The following UPF2 variants were observed in gnomAD, a reference collection of about 807,000 sequenced individuals.
UPF2 encodes regulator of nonsense transcripts 2.
UPF2 carries 17 observed loss-of-function variants against 141.4 expected under a neutral mutation model. The ratio of observed to expected loss-of-function variants is 0.12; its 90% confidence interval spans 0.08 to 0.18. UPF2 has a LOEUF of 0.18. Ranked by LOEUF, UPF2 falls within the 10% of genes least tolerant of loss-of-function variation. The probability of loss-of-function intolerance (pLI) is 1.00; values close to 1 mark genes in which losing one functional copy is unlikely to be tolerated. For missense variants in UPF2, 1,152 were observed against 1,515.9 expected (o/e 0.76, Z 3.99); for synonymous variants, 540 against 498.0 (o/e 1.08, Z -1.12).
chr10:11,952,593 G>A (rs1445086985), intron 14 of UPF2, among the ~76,000 whole-genome samples: 1 of 146,956 alleles, frequency 6.8e-6, no homozygotes, highest in African/African-American at 2.5e-5. Flanking sequence ...TCCTGCCTCA[G>A]CCTCCCGAGC....
intron 8 of UPF2, among the ~76,000 whole-genome samples, chr10:11,996,998 T>C (rs1035406714): frequency 6.6e-6 from 1 of 152,208 alleles, no homozygotes; most frequent in Non-Finnish European, 1.5e-5. Flanking sequence ...AACAAAATTA[T>C]TTAATTATTT....
chr10:11,942,694 G>C lies in UPF2; in HGVS notation c.3349C>G (p.Leu1117Val). 6.2e-7 allele frequency: 1 copy of C among 1,613,934 alleles called. No individual in the cohort carries two copies. Among genetic ancestry groups the C allele is most frequent in the Non-Finnish European group, 8.5e-7 (1 of 1,179,938 alleles). ...CVEDEDFIQA[L>V]DKMMLENLQQ... is the part of the protein sequence containing the mutation. ...AGATTTTCTAGCATCATTTTATCCA[G>C]AGCTTGAATGAAGTCCTCATCTTCT... is the stretch of plus-strand genomic sequence containing the variant. Residue 1117 changes from leucine to valine, a missense_variant, in exon 18 of 22, where the codon CTG becomes GTG. Physicochemically the swap from Leu to Val is conservative, Grantham distance 32. This residue lies in a region of UPF2 where 202 missense variants were observed against 223.6 expected (regional missense o/e 0.90). Transcript: ENST00000357604.
Position 11,920,097 on chromosome 10 carries a change from T to A in UPF2, c.*1201A>T, listed in dbSNP as rs187159496. 1 of 152,236 alleles carries A rather than the reference T, an allele frequency of 6.6e-6. No individual in the cohort carries two copies. The highest frequency in any genetic ancestry group is 1.5e-5 in the Non-Finnish European group (1 of 68,042). 9.4% of individuals were successfully genotyped at this position (152,236 alleles called of 1,614,324 possible). On this transcript the variant is annotated 3_prime_UTR_variant, in exon 22 of 22. Coordinates refer to ENST00000357604, the MANE Select transcript of UPF2 (RefSeq NM_015542.4). Reference sequence around the variant, plus strand: ...TGGTGAAGATTGGGCAGCATTTCCATGTGAAATGTTACAACTTTACAAGTT... The same window carrying A: ...TGGTGAAGATTGGGCAGCATTTCCAAGTGAAATGTTACAACTTTACAAGTT...
intron 8 of UPF2, among the ~76,000 whole-genome samples, chr10:11,984,191 G>T (rs1833647776): frequency 6.6e-6 from 1 of 152,182 alleles, no homozygotes; most frequent in African/African-American, 2.4e-5. Context: ...AAAGTGCTGG[G>T]ATTACAGGCG....
In UPF2 at chr10:11,959,493, C is replaced by T. The variant is rs116360812; in HGVS notation, c.2185-137G>A. On this transcript the variant is annotated intron_variant, in intron 11 of 21. Transcript: ENST00000357604. The surrounding 1 kb of genome is among the most constrained non-coding windows in gnomAD (Gnocchi z 5.9). Reference sequence around the variant, plus strand: ...GCAAAGAAAGGACTGGGCACTGTGGCTCACACCTATAATCCCAGCACTTTG... The same window carrying T: ...GCAAAGAAAGGACTGGGCACTGTGGTTCACACCTATAATCCCAGCACTTTG... The T allele has an allele frequency of 1.1e-3, 924 of 879,104 alleles. 7 individuals carry two copies. In the African/African-American group the frequency reaches 0.014, roughly 14 times the overall value. The allele number at this position is 879,104 out of a possible 1,614,324, so 54.5% of individuals were successfully genotyped here.
chr10:12,027,926 A>G (rs2131305466), intron 3 of UPF2, among the ~76,000 whole-genome samples: 1 of 152,332 alleles, frequency 6.6e-6, no homozygotes, highest in South Asian at 2.1e-4. Flanking sequence ...AGTTGTAGAA[A>G]TATTAAAATA....
At position 12,042,459 on chromosome 10, in the gene UPF2, C is replaced by T. The variant is rs1191991889; in HGVS notation, c.-19+296G>A. On this transcript the variant is annotated intron_variant, in intron 1 of 21. Coordinates refer to ENST00000357604, the MANE Select transcript of UPF2 (RefSeq NM_015542.4). The surrounding 1 kb of genome is among the most constrained non-coding windows in gnomAD (Gnocchi z 5.5). The stretch of plus-strand genomic sequence containing the variant: ...AACACTTTCGCCCCTCCACCGCGGG[C>T]TCCCCGCCTCCAGTCTCGAGGCCCG... Among the ~76,000 whole-genome samples the T allele has an allele frequency of 6.6e-6, 1 of 152,234 alleles. No homozygotes were observed. The highest frequency in any genetic ancestry group is 2.4e-5 in the African/African-American group (1 of 41,468).
chr10:11,924,940 T>A (rs928235978), intron 21 of UPF2, among the ~76,000 whole-genome samples: 1 of 152,160 alleles, frequency 6.6e-6, no homozygotes, highest in South Asian at 2.1e-4. Flanking sequence ...TGCCTCAGAC[T>A]CCCGAGTAGC....
chr10:11,943,911 G>A (rs1832967737), intron 16 of UPF2, among the ~76,000 whole-genome samples: 1 of 150,482 alleles, frequency 6.6e-6, no homozygotes, highest in African/African-American at 2.4e-5. Context: ...GATTTTCAAA[G>A]GGCACAAAGC....
chr10:11,996,161 G>C (rs943979315), intron 8 of UPF2, among the ~76,000 whole-genome samples: 29 of 152,016 alleles, frequency 1.9e-4, no homozygotes, highest in African/African-American at 6.8e-4. Flanking sequence ...CAGCAGACCC[G>C]TAACGAATTA....
chr10:11,962,378 G>A (rs1833254391), intron 11 of UPF2, among the ~76,000 whole-genome samples: 1 of 151,972 alleles, frequency 6.6e-6, no homozygotes, highest in Admixed American at 6.6e-5. Context: ...TCTGTGACTG[G>A]CACCATCATC....
In UPF2 at chr10:11,959,329, T is replaced by C. The variant is rs150540729; in HGVS notation, c.2212A>G (p.Met738Val). 2 of 1,580,882 alleles carry C rather than the reference T, an allele frequency of 1.3e-6. No individual in the cohort carries two copies. Among genetic ancestry groups the C allele is most frequent in the East Asian group, 2.3e-5 (1 of 44,034 alleles). Residue 738 changes from methionine to valine, a missense_variant, in exon 12 of 22, where the codon ATG (methionine) becomes GTG (valine). By Grantham distance (21) the Met-to-Val change is conservative. Around this residue, in one of 4 missense-constraint regions of UPF2, gnomAD observed 739 missense variants for 1,032.2 expected, o/e 0.72. Transcript: ENST00000357604. The surrounding 1 kb of genome is among the most constrained non-coding windows in gnomAD (Gnocchi z 5.9). ...LEQMMRKKQA[M>V]HLDARYVTMV... is the part of the protein sequence containing the mutation. Reference sequence around the variant, plus strand: ...GTGACGTATCTCGCATCAAGATGCATTGCTTGCTTCTTTCTCATCATTTGC... The same window carrying C: ...GTGACGTATCTCGCATCAAGATGCACTGCTTGCTTCTTTCTCATCATTTGC...
Position 12,019,252 on chromosome 10 carries a change from A to T in UPF2, c.1146-5068T>A, listed in dbSNP as rs2131293075. 6.6e-6 allele frequency among the ~76,000 whole-genome samples: 1 copy of T among 152,368 alleles called. No homozygotes were observed. Among genetic ancestry groups the T allele is most frequent in the African/African-American group, 2.4e-5 (1 of 41,588 alleles). On this transcript the variant is annotated intron_variant, in intron 3 of 21. Coordinates refer to ENST00000357604, the MANE Select transcript of UPF2 (RefSeq NM_015542.4). This position sits in a 1 kb window ranked among gnomAD's most constrained non-coding sequence, Gnocchi z 4.5. ...TGAAACTACTCAACTCTGCTAACAT[A>T]ACACAAAAGCTGCCACAGACAATAT...
chr10:11,930,033 T>A (rs545146142), intron 20 of UPF2, 48 bp from the exon 21 acceptor site: 11 of 1,612,860 alleles, frequency 6.8e-6, no homozygotes, highest in South Asian at 5.5e-5. Context: ...CTTAGAAATG[T>A]ACTCCTCCTA....
intron 21 of UPF2, among the ~76,000 whole-genome samples, chr10:11,922,951 T>C (rs1832664336): frequency 6.6e-6 from 1 of 152,142 alleles, no homozygotes; most frequent in African/African-American, 2.4e-5. Flanking sequence ...GCAGGACTGC[T>C]TGAGCCCAGG....
In UPF2 at chr10:11,998,100, G is replaced by A. The variant is rs557251994; in HGVS notation, c.1759-343C>T. Among the ~76,000 whole-genome samples, 24 of 152,226 alleles carry A rather than the reference G, an allele frequency of 1.6e-4. No homozygotes were observed. The highest frequency in any genetic ancestry group is 6.8e-3 in the Middle Eastern group (2 of 294). On this transcript the variant is annotated intron_variant, in intron 7 of 21. Transcript: ENST00000357604. This position sits in a 1 kb window ranked among gnomAD's most constrained non-coding sequence, Gnocchi z 4.5. ...AAGTTTAGTGTCGACAGTCAGATTT[G>A]GTAATGTTAGGGTTTAGAAAGCAAT... is the stretch of plus-strand genomic sequence containing the variant.
chr10:11,970,079 T>G (rs1833390465), intron 9 of UPF2, among the ~76,000 whole-genome samples: 2 of 152,176 alleles, frequency 1.3e-5, no homozygotes, highest in African/African-American at 4.8e-5. Flanking sequence ...TCTGTGCTCT[T>G]GAGATCACTT....
At chr10:12,006,592 C>A (rs1034298042) in intron 4 of UPF2, among the ~76,000 whole-genome samples, 1 of 151,792 alleles carries the variant, frequency 6.6e-6, no homozygotes, top group Non-Finnish European at 1.5e-5. Flanking sequence ...ACCCATACAC[C>A]AAAAAGAAAA....
At chr10:11,975,718 T>C (rs1430494506) in intron 9 of UPF2, among the ~76,000 whole-genome samples, 2 of 151,928 alleles carry the variant, frequency 1.3e-5, no homozygotes, top group South Asian at 2.1e-4. Context: ...AGTTTCTCCA[T>C]GTTGGTCAGG....
Sources: allele counts gnomAD v4.1 joint callset (sites outside exome capture counted in the v4.1 genomes callset), GRCh38; gene constraint gnomAD v4.1.1; regional missense constraint gnomAD v4.1.1; non-coding constraint Gnocchi (gnomAD v3.1); transcripts MANE v1.5; gene names NCBI Gene and HGNC (gene_info 2026-07-23, HGNC 2026-07-21).